Variants in UST observed in about 807,000 individuals in gnomAD.
The protein encoded by UST is uronyl 2-sulfotransferase.
Under a neutral mutation model 45.6 loss-of-function variants are expected in UST, and 21 were observed. That is an observed-to-expected ratio of 0.46 (90% CI 0.33 to 0.66). The LOEUF is 0.66. Among genes scored for constraint, UST ranks in the 30% least tolerant of loss-of-function variants. The pLI is 0.02. For synonymous variants in UST, 215 were observed against 200.6 expected, an observed-to-expected ratio of 1.07 and a Z score of -0.61; for missense variants, 463 against 512.4, an observed-to-expected ratio of 0.90 and a Z score of 0.93.
intron 1 of UST, among the ~76,000 whole-genome samples, chr6:148,772,289 A>G (rs1562563053): frequency 6.6e-6 from 1 of 152,206 alleles, no homozygotes; most frequent in African/African-American, 2.4e-5. Context: ...CCAAGGTATA[A>G]CAAATCAGTG....
intron 5 of UST, among the ~76,000 whole-genome samples, chr6:148,976,787 G>A (rs771758858): frequency 2.6e-5 from 4 of 152,112 alleles, no homozygotes; most frequent in Non-Finnish European, 4.4e-5. Flanking sequence ...GATATAAATT[G>A]CAAGTATTGT....
chr6:148,810,456 C>T (rs942301219), intron 1 of UST, among the ~76,000 whole-genome samples: 6 of 152,068 alleles, frequency 3.9e-5, no homozygotes, highest in Non-Finnish European at 7.4e-5. Context: ...TAGATATTTC[C>T]GTTTCTATTA....
intron 5 of UST, among the ~76,000 whole-genome samples, chr6:149,012,304 C>T (rs992841586): frequency 1.3e-5 from 2 of 152,194 alleles, no homozygotes; most frequent in African/African-American, 2.4e-5. Context: ...GGTTCTGGCT[C>T]AGATTTTTTT....
chr6:148,971,824 T>C (rs755995048), intron 5 of UST, among the ~76,000 whole-genome samples: 3 of 152,200 alleles, frequency 2.0e-5, no homozygotes, highest in Non-Finnish European at 2.9e-5. Context: ...TTACAGGACA[T>C]CCTGAATCTT....
Position 149,021,268 on chromosome 6 carries a change from TTGC to T in UST, c.780-52_780-50del, listed in dbSNP as rs555366029. The T allele has an allele frequency of 2.0e-4, 309 of 1,532,250 alleles. No individual in the cohort carries two copies. The East Asian group carries it at 7.0e-3, about 35-fold the overall frequency. 94.9% of individuals were successfully genotyped at this position (1,532,250 alleles called of 1,614,324 possible). A position where few individuals can be genotyped will look rare whatever the true frequency, so the allele number is the denominator to read the frequency against. ...GTAGAGGGGGTAAACTCTCAGCATC[TTGC>T]TGCATTTCAAATATGAATGTCTGAT... On this transcript the variant is annotated intron_variant, in intron 6 of 7. Transcript: ENST00000367463.
chr6:149,071,586 C>T (rs2115047230), intron 7 of UST, among the ~76,000 whole-genome samples: 1 of 151,452 alleles, frequency 6.6e-6, no homozygotes, highest in African/African-American at 2.4e-5. Context: ...TAATGTGACA[C>T]CAAAAGTCAG....
intron 1 of UST, among the ~76,000 whole-genome samples, chr6:148,799,829 T>A (rs994219062): frequency 6.6e-6 from 1 of 152,222 alleles, no homozygotes; most frequent in East Asian, 1.9e-4. Context: ...TTGGTGGTGA[T>A]GTTCATTGCG....
At chr6:148,988,283 C>CA (rs1378571110) in intron 5 of UST, among the ~76,000 whole-genome samples, 1 of 151,960 alleles carries the variant, frequency 6.6e-6, no homozygotes, top group Non-Finnish European at 1.5e-5. Context: ...TCCCTTTATT[C>CA]AAAAAACAGG....
At chr6:149,062,568 G>A (rs527898894) in intron 7 of UST, among the ~76,000 whole-genome samples, 9 of 152,288 alleles carry the variant, frequency 5.9e-5, no homozygotes, top group Admixed American at 5.9e-4. Context: ...ACTTACCAAA[G>A]CATTCCCCTC....
At chr6:149,005,977 C>T (rs779352849) in intron 5 of UST, among the ~76,000 whole-genome samples, 1 of 152,174 alleles carries the variant, frequency 6.6e-6, no homozygotes, top group Non-Finnish European at 1.5e-5. Context: ...AGGAGGGTCC[C>T]CACTGTGGCC....
At chr6:148,992,501 G>T (rs888492423) in intron 5 of UST, among the ~76,000 whole-genome samples, 2 of 152,162 alleles carry the variant, frequency 1.3e-5, no homozygotes, top group Non-Finnish European at 2.9e-5. Flanking sequence ...AACAGTTTTA[G>T]AGTCCTGCCG....
chr6:148,973,126 T>C lies in UST; in HGVS notation c.681+8563T>C, dbSNP rs371229964. ...TAGGCTTTTCATTGGCATATGCAAA[T>C]AAATGTCATTAAAGAGGTTTGATGA... On this transcript the variant is annotated intron_variant, in intron 5 of 7. Transcript: ENST00000367463. Among the ~76,000 whole-genome samples, 15 of 152,348 alleles carry C rather than the reference T, an allele frequency of 9.8e-5. 4 individuals carry two copies. The highest frequency in any genetic ancestry group is 3.9e-4 in the East Asian group (2 of 5,186).
intron 2 of UST, among the ~76,000 whole-genome samples, chr6:148,907,136 C>G (rs925880797): frequency 2.0e-5 from 3 of 152,058 alleles, no homozygotes; most frequent in Non-Finnish European, 4.4e-5. Flanking sequence ...GAAAAAAAAT[C>G]TCTGTTTGGT....
chr6:148,885,618 A>G (rs893004388), intron 1 of UST, among the ~76,000 whole-genome samples: 1 of 152,224 alleles, frequency 6.6e-6, no homozygotes, highest in African/African-American at 2.4e-5. Flanking sequence ...CTATATACAA[A>G]TGGCCACTGT....
At chr6:148,970,910 A>G (rs891815821) in intron 5 of UST, among the ~76,000 whole-genome samples, 28 of 152,222 alleles carry the variant, frequency 1.8e-4, no homozygotes, top group African/African-American at 6.5e-4. Flanking sequence ...ATAATCCGGC[A>G]TAGTGTCCCC....
At chr6:148,817,708 A>G (rs576601823) in intron 1 of UST, among the ~76,000 whole-genome samples, 2 of 152,326 alleles carry the variant, frequency 1.3e-5, no homozygotes, top group Admixed American at 1.3e-4. Context: ...GGAAGCCTTC[A>G]GGTAGTACGC....
chr6:148,810,957 T>C (rs73778908), intron 1 of UST, among the ~76,000 whole-genome samples: 1,990 of 152,320 alleles, frequency 0.013, 41 homozygotes, highest in African/African-American at 0.044. Flanking sequence ...TGTAAGGTGA[T>C]GACATTGAGT....
chr6:148,919,034 C>T (rs1779647030), intron 2 of UST, among the ~76,000 whole-genome samples: 1 of 152,124 alleles, frequency 6.6e-6, no homozygotes, highest in Non-Finnish European at 1.5e-5. Flanking sequence ...TGCTGTAAGC[C>T]TGTGATCTTT....
chr6:149,047,257 T>C (rs1776409239), intron 7 of UST, among the ~76,000 whole-genome samples: 1 of 152,250 alleles, frequency 6.6e-6, no homozygotes, highest in South Asian at 2.1e-4. Flanking sequence ...GAAAAAAGAT[T>C]ATGCCTAATA....
Sources: gnomAD v4.1 joint callset for allele counts (sites outside exome capture counted in the v4.1 genomes callset) on GRCh38, gnomAD v4.1.1 for gene constraint, MANE v1.5 for transcripts, NCBI Gene and HGNC (gene_info 2026-07-23, HGNC 2026-07-21) for gene names.